The following TTLL1 variants were observed in gnomAD, a reference collection of about 807,000 sequenced individuals.
TTLL1 encodes the protein TTL family tubulin polyglutamylase complex subunit L1.
A neutral mutation model predicts 47.8 loss-of-function variants in TTLL1; 33 were observed. The observed-to-expected ratio is 0.69, with a 90% CI of 0.52 to 0.92. TTLL1 has a LOEUF of 0.92. TTLL1 is among the 40% of genes least tolerant of loss of function. TTLL1 has a pLI of 0.00. For synonymous variants in TTLL1, 225 were observed against 214.1 expected (o/e 1.05, Z -0.45); for missense variants, 488 against 547.5 (o/e 0.89, Z 1.08).
At chr22:43,040,089 T>G (rs1601643798) in intron 10 of TTLL1, 184 bp from the exon 11 acceptor site, 1 of 692,632 alleles carries the variant, frequency 1.4e-6, no homozygotes, top group African/African-American at 1.8e-5. Flanking sequence ...GCCTGCCAGG[T>G]GGCTCTCGCA....
At chr22:43,081,143 C>T (rs1040093396) in intron 1 of TTLL1, among the ~76,000 whole-genome samples, 1 of 151,488 alleles carries the variant, frequency 6.6e-6, no homozygotes. Context: ...CTCAAACTCC[C>T]GACCTCAGGT....
rs1162740840 is a variant in TTLL1 at position 43,068,658 on chromosome 22, T to C, written c.323-68A>G. On this transcript the variant is annotated intron_variant, in intron 4 of 10. Coordinates refer to ENST00000266254, the MANE Select transcript of TTLL1 (RefSeq NM_012263.5). ...ACAGTGGCCATGAACAGAAAGATCT[T>C]GCCCTTGCCTTTCCAGGGCCTGTGG... 3.0e-6 allele frequency: 4 copies of C among 1,342,346 alleles called. No individual in the cohort carries two copies. In the East Asian group the frequency reaches 7.9e-5, roughly 26 times the overall value. The allele number at this position is 1,342,346 out of a possible 1,614,324, so 83.2% of individuals were successfully genotyped here. A position where few individuals can be genotyped will look rare whatever the true frequency, so the allele number is the denominator to read the frequency against.
chr22:43,052,856 C>T (rs190305784), intron 8 of TTLL1, among the ~76,000 whole-genome samples: 4 of 151,928 alleles, frequency 2.6e-5, no homozygotes, highest in East Asian at 1.9e-4. Context: ...GTCGGGAGTT[C>T]GAGACCAGCC....
intron 9 of TTLL1, among the ~76,000 whole-genome samples, chr22:43,049,487 C>T (rs1341755728): frequency 1.3e-5 from 2 of 151,802 alleles, no homozygotes; most frequent in African/African-American, 4.8e-5. Context: ...GGCGCCATTG[C>T]ACTCCAGCCT....
At position 43,084,662 on chromosome 22, in the gene TTLL1, C is replaced by T. The variant is rs1312205570; in HGVS notation, c.-90+4615G>A. ...GACTACAGGCGCCCGCCACCACGCCCGGATAATTTTTTGTATTTTTAGTAG... is the reference window on the plus strand; with the variant it reads ...GACTACAGGCGCCCGCCACCACGCCTGGATAATTTTTTGTATTTTTAGTAG... On this transcript the variant is annotated intron_variant, in intron 1 of 10. Coordinates refer to ENST00000266254, the MANE Select transcript of TTLL1 (RefSeq NM_012263.5). Among the ~76,000 whole-genome samples the T allele has an allele frequency of 2.6e-5, 4 of 152,052 alleles. 1 individual carries two copies. Among genetic ancestry groups the T allele is most frequent in the East Asian group, 3.9e-4 (2 of 5,178 alleles).
At chr22:43,070,142 A>G (rs1928018292) in intron 3 of TTLL1, 2 of 1,412,642 alleles carry the variant, frequency 1.4e-6, no homozygotes, top group South Asian at 1.2e-5. Flanking sequence ...CGGATTAATG[A>G]TAACACTGTC....
intron 1 of TTLL1, among the ~76,000 whole-genome samples, chr22:43,087,304 C>T (rs1028339484): frequency 2.6e-5 from 4 of 152,172 alleles, no homozygotes; most frequent in African/African-American, 9.7e-5. Context: ...ACAGGTGGAT[C>T]ACCTGAGGTC....
chr22:43,064,270 G>T lies in TTLL1; in HGVS notation c.558C>A (p.Asn186Lys). ...EAYVISLYINNPLLIGGRKFD... is the reference protein window; with the variant it reads ...EAYVISLYINKPLLIGGRKFD... The stretch of plus-strand genomic sequence containing the variant: ...ACTTCCTCCCGCCAATTAGTAACGG[G>T]TTGTTAATATAGAGAGAGATCACGT... The change falls in exon 6 of 11, where the codon AAC becomes AAA. Residue 186 changes from asparagine to lysine, a missense_variant. Coordinates refer to ENST00000266254, the MANE Select transcript of TTLL1 (RefSeq NM_012263.5). The T allele has an allele frequency of 6.2e-7, 1 of 1,614,174 alleles. No homozygotes were observed. Among genetic ancestry groups the T allele is most frequent in the Middle Eastern group, 1.6e-4 (1 of 6,062 alleles).
intron 8 of TTLL1, among the ~76,000 whole-genome samples, chr22:43,055,518 G>A: frequency 6.6e-6 from 1 of 152,006 alleles, no homozygotes; most frequent in East Asian, 1.9e-4. Flanking sequence ...TTTTTGTAGA[G>A]ACAGAGTCTC....
chr22:43,069,300 G>A (rs929076962), intron 4 of TTLL1, among the ~76,000 whole-genome samples: 5 of 150,554 alleles, frequency 3.3e-5, no homozygotes, highest in African/African-American at 4.9e-5. Context: ...GCTGAGGCAG[G>A]AGAATTGCTT....
At chr22:43,055,259 T>C (rs1458030489) in intron 8 of TTLL1, among the ~76,000 whole-genome samples, 1 of 151,076 alleles carries the variant, frequency 6.6e-6, no homozygotes, top group Non-Finnish European at 1.5e-5. Context: ...CCTGGCCTCA[T>C]GTGATCCGCC....
At chr22:43,045,013 C>T (rs1453616118) in intron 10 of TTLL1, among the ~76,000 whole-genome samples, 4 of 152,126 alleles carry the variant, frequency 2.6e-5, no homozygotes, top group Non-Finnish European at 1.5e-5. Context: ...CAAGCGCGCA[C>T]TACCACACCC....
intron 8 of TTLL1, among the ~76,000 whole-genome samples, chr22:43,056,136 T>C (rs1320710805): frequency 6.6e-6 from 1 of 151,416 alleles, no homozygotes; most frequent in Non-Finnish European, 1.5e-5. Context: ...CCGAGGCAGG[T>C]GGATCACGAG....
chr22:43,064,005 T>G lies in TTLL1; in HGVS notation c.639-84A>C, dbSNP rs1035592837. 5 of 1,471,050 alleles carry G rather than the reference T, an allele frequency of 3.4e-6. No individual in the cohort carries two copies. In the African/African-American group the frequency reaches 5.5e-5, roughly 16 times the overall value. The allele number at this position is 1,471,050 out of a possible 1,614,324, so 91.1% of individuals were successfully genotyped here. A position where few individuals can be genotyped will look rare whatever the true frequency, so the allele number is the denominator to read the frequency against. Reference sequence around the variant, plus strand: ...CTTCATTCTCTAAAAAGAGCTGCTTTTGTGTGTGTGATTTACACGACTCAC... The same window carrying G: ...CTTCATTCTCTAAAAAGAGCTGCTTGTGTGTGTGTGATTTACACGACTCAC... On this transcript the variant is annotated intron_variant, in intron 6 of 10. Coordinates refer to ENST00000266254, the MANE Select transcript of TTLL1 (RefSeq NM_012263.5).
chr22:43,054,722 C>A (rs1287707165), intron 8 of TTLL1, among the ~76,000 whole-genome samples: 1 of 123,584 alleles, frequency 8.1e-6, no homozygotes, highest in African/African-American at 3.3e-5. Flanking sequence ...CTGCACCTGG[C>A]CTTTTTTTTT....
In TTLL1 at chr22:43,039,877, C is replaced by A; in HGVS notation, c.1171G>T (p.Gly391Trp). Residue 391 changes from glycine (G) to tryptophan (W), a missense_variant, in exon 11 of 11, where the codon GGG becomes TGG. Gly to Trp is a radical substitution (Grantham distance 184, BLOSUM62 -2). Coordinates refer to ENST00000266254, the MANE Select transcript of TTLL1 (RefSeq NM_012263.5). ...LYDEELAQGD[G>W]ADRELRSRQG... Reference sequence around the variant, plus strand: ...CGGCTTCTCAGCTCCCGGTCAGCCCCGTCACCCTGGGCCAATTCTTCATCA... The same window carrying A: ...CGGCTTCTCAGCTCCCGGTCAGCCCAGTCACCCTGGGCCAATTCTTCATCA... The A allele has an allele frequency of 6.2e-7, 1 of 1,613,852 alleles. No homozygotes were observed. The highest frequency in any genetic ancestry group is 8.5e-7 in the Non-Finnish European group (1 of 1,179,994).
At chr22:43,050,084 G>C (rs1255313613) in intron 9 of TTLL1, among the ~76,000 whole-genome samples, 2 of 146,580 alleles carry the variant, frequency 1.4e-5, no homozygotes, top group South Asian at 4.3e-4. Flanking sequence ...GCGACAGAGT[G>C]AGACTCCGTC....
intron 9 of TTLL1, among the ~76,000 whole-genome samples, chr22:43,048,163 A>G (rs1227347560): frequency 6.6e-6 from 1 of 151,896 alleles, no homozygotes; most frequent in African/African-American, 2.4e-5. Flanking sequence ...TAAAAATAAA[A>G]AAAATTAGCC....
intron 3 of TTLL1, among the ~76,000 whole-genome samples, chr22:43,072,287 G>A (rs1212275881): frequency 2.0e-5 from 3 of 151,334 alleles, no homozygotes; most frequent in Non-Finnish European, 2.9e-5. Flanking sequence ...CCGAGTAGCT[G>A]GGACTACCGG....
Sources: gnomAD v4.1 joint callset for allele counts (sites outside exome capture counted in the v4.1 genomes callset) on GRCh38, gnomAD v4.1.1 for gene constraint, MANE v1.5 for transcripts, NCBI Gene and HGNC (gene_info 2026-07-23, HGNC 2026-07-21) for gene names.